The following BLOC1S5 variants were observed in gnomAD, a reference collection of about 807,000 sequenced individuals.
BLOC1S5 encodes the protein biogenesis of lysosome-related organelles complex 1 subunit 5.
Under a neutral mutation model 24.3 loss-of-function variants are expected in BLOC1S5, and 27 were observed. The ratio of observed to expected loss-of-function variants is 1.11; its 90% CI spans 0.82 to 1.53. BLOC1S5 has a LOEUF of 1.53. Among genes scored for constraint, BLOC1S5 ranks in the 40% most tolerant of loss-of-function variants. The pLI, the probability that BLOC1S5 is intolerant of heterozygous loss-of-function variation, is 0.00. For synonymous variants in BLOC1S5, 84 were observed against 74.5 expected (o/e 1.13, Z -0.66); for missense variants, 239 against 229.4 (o/e 1.04, Z -0.27).
At chr6:8,061,313 C>T (rs1029580734) in intron 2 of BLOC1S5, among the ~76,000 whole-genome samples, 8 of 151,956 alleles carry the variant, frequency 5.3e-5, no homozygotes, top group Non-Finnish European at 5.9e-5. Flanking sequence ...TAAATGATGA[C>T]GATGTGGTAT....
rs1763059179 is a variant in BLOC1S5, at chr6:8,024,962, A to G, written c.384+1405T>C. On this transcript the variant is annotated intron_variant, in intron 4 of 4. Coordinates refer to ENST00000397457, the MANE Select transcript of BLOC1S5 (RefSeq NM_201280.3). ...AAAGAAGCCAGGTATTTCTTACCCA[A>G]TCTGGTCATCTTCCTACTATACACA... 1.3e-5 allele frequency among the ~76,000 whole-genome samples: 2 copies of G among 152,236 alleles called. 1 individual carries two copies. Among genetic ancestry groups the G allele is most frequent in the Admixed American group, 1.3e-4 (2 of 15,288 alleles).
intron 2 of BLOC1S5, among the ~76,000 whole-genome samples, chr6:8,049,371 CA>C (rs386406082): frequency 1.6e-4 from 23 of 143,816 alleles, no homozygotes; most frequent in South Asian, 2.2e-4. Context: ...GACTTCGTCT[CA>C]AAAAAAAAAA....
In BLOC1S5 at chr6:8,026,414, T is replaced by A; in HGVS notation, c.337A>T (p.Asn113Tyr). 1 of 1,613,438 alleles carries A rather than the reference T, an allele frequency of 6.2e-7. No homozygotes were observed. Among genetic ancestry groups the A allele is most frequent in the Non-Finnish European group, 8.5e-7 (1 of 1,179,674 alleles). The change falls in exon 4 of 5, where the codon AAT becomes TAT. Residue 113 changes from asparagine to tyrosine, a missense_variant. Transcript: ENST00000397457. ...SQVLQRLQAA[N>Y]DSVCRLQQRE... ...TGTTGGAGTCTACAGACTGAGTCAT[T>A]AGCTGCTTGCACTGAAATGAAAAAG...
intron 3 of BLOC1S5, among the ~76,000 whole-genome samples, chr6:8,031,081 C>A (rs1196633889): frequency 6.6e-6 from 1 of 152,118 alleles, no homozygotes; most frequent in African/African-American, 2.4e-5. Context: ...GACAAGAATA[C>A]CTACTTTCAC....
intron 2 of BLOC1S5, among the ~76,000 whole-genome samples, chr6:8,043,983 T>A (rs971606632): frequency 2.0e-5 from 3 of 152,080 alleles, no homozygotes; most frequent in East Asian, 3.9e-4. Context: ...GCTACCACCA[T>A]GTTAAGAAGT....
At chr6:8,061,033 G>A (rs1327241017) in intron 2 of BLOC1S5, among the ~76,000 whole-genome samples, 1 of 151,954 alleles carries the variant, frequency 6.6e-6, no homozygotes, top group African/African-American at 2.4e-5. Flanking sequence ...TTGCCATGTT[G>A]GCCAGGCTGG....
At chr6:8,061,651 G>A (rs1017418616) in intron 2 of BLOC1S5, among the ~76,000 whole-genome samples, 6 of 152,120 alleles carry the variant, frequency 3.9e-5, no homozygotes, top group African/African-American at 1.4e-4. Context: ...TCTCCTTTTG[G>A]CATGTTTGCA....
At chr6:8,026,482 A>T in intron 3 of BLOC1S5, 57 bp from the exon 4 acceptor site, 2 of 1,365,580 alleles carry the variant, frequency 1.5e-6, no homozygotes, top group Non-Finnish European at 2.1e-6. Flanking sequence ...GGAAACACAT[A>T]CCTGGGGGAG....
intron 3 of BLOC1S5, among the ~76,000 whole-genome samples, chr6:8,038,788 T>C (rs1048221162): frequency 5.3e-4 from 80 of 152,234 alleles, no homozygotes; most frequent in Middle Eastern, 3.4e-3. Flanking sequence ...CCAGCCAAAA[T>C]GGCTTTTATT....
At chr6:8,035,769 T>C (rs532583321) in intron 3 of BLOC1S5, among the ~76,000 whole-genome samples, 1 of 152,098 alleles carries the variant, frequency 6.6e-6, no homozygotes. Flanking sequence ...AAGGGAGAGA[T>C]AGAATGCAAT....
At chr6:8,033,033 G>C (rs544648590) in intron 3 of BLOC1S5, among the ~76,000 whole-genome samples, 1 of 152,104 alleles carries the variant, frequency 6.6e-6, no homozygotes. Context: ...AATCAATATC[G>C]TGAAAATGGC....
intron 4 of BLOC1S5, among the ~76,000 whole-genome samples, chr6:8,024,263 C>T (rs1175346996): frequency 5.3e-5 from 8 of 151,956 alleles, no homozygotes; most frequent in Non-Finnish European, 1.5e-5. Flanking sequence ...CAGTGGCTCA[C>T]GCCTGTAATC....
intron 3 of BLOC1S5, among the ~76,000 whole-genome samples, chr6:8,040,577 T>G (rs547364965): frequency 1.3e-5 from 2 of 152,234 alleles, no homozygotes; most frequent in Non-Finnish European, 2.9e-5. Context: ...CCGAGATTCC[T>G]GGCTGGGCAC....
At chr6:8,021,491 C>T (rs184536285) in intron 4 of BLOC1S5, among the ~76,000 whole-genome samples, 12 of 152,142 alleles carry the variant, frequency 7.9e-5, no homozygotes, top group Admixed American at 5.9e-4. Flanking sequence ...CCCAGCTACT[C>T]GGTAGGCTGA....
chr6:8,042,790 T>C (rs760015454), intron 2 of BLOC1S5, among the ~76,000 whole-genome samples: 2 of 152,198 alleles, frequency 1.3e-5, no homozygotes, highest in African/African-American at 4.8e-5. Flanking sequence ...GAATACCTCT[T>C]TCCTTCTGGA....
intron 3 of BLOC1S5, among the ~76,000 whole-genome samples, chr6:8,035,606 C>T (rs1189222625): frequency 1.3e-5 from 2 of 152,066 alleles, no homozygotes; most frequent in African/African-American, 4.8e-5. Context: ...TCAAATAAAA[C>T]AGACTACAAA....
At position 8,064,377 on chromosome 6, in the gene BLOC1S5, C is replaced by G. The variant is rs1018905840; in HGVS notation, c.-1G>C. 2 of 1,608,452 alleles carry G rather than the reference C, an allele frequency of 1.2e-6. No homozygotes were observed. Among genetic ancestry groups the G allele is most frequent in the South Asian group, 1.1e-5 (1 of 90,952 alleles). On this transcript the variant is annotated 5_prime_UTR_variant, in exon 1 of 5. Coordinates refer to ENST00000397457, the MANE Select transcript of BLOC1S5 (RefSeq NM_201280.3). The stretch of plus-strand genomic sequence containing the variant: ...GGGTCTCTGTCCCTCCGCCACTCAT[C>G]CCGACCAGTTCCGCCCACCCGCGGC...
intron 3 of BLOC1S5, among the ~76,000 whole-genome samples, chr6:8,031,750 G>A (rs574766658): frequency 6.6e-6 from 1 of 152,230 alleles, no homozygotes; most frequent in African/African-American, 2.4e-5. Flanking sequence ...AAAACAGCAT[G>A]GAACTGGCAT....
intron 2 of BLOC1S5, among the ~76,000 whole-genome samples, chr6:8,049,371 C>CA (rs386406082): frequency 5.1e-4 from 74 of 143,794 alleles, no homozygotes; most frequent in Non-Finnish European, 4.4e-4. Flanking sequence ...GACTTCGTCT[C>CA]AAAAAAAAAA....
Sources: gnomAD v4.1 joint callset for allele counts (sites outside exome capture counted in the v4.1 genomes callset) on GRCh38, gnomAD v4.1.1 for gene constraint, MANE v1.5 for transcripts, NCBI Gene and HGNC (gene_info 2026-07-23, HGNC 2026-07-21) for gene names.